The following ERC1 variants were observed in gnomAD, a reference collection of about 807,000 sequenced individuals.
ERC1 encodes the protein RAB6 interacting protein 2.
In ERC1, 56 loss-of-function variants were observed where a neutral mutation model predicts 132.0. That is an observed-to-expected ratio of 0.42 (90% CI 0.34 to 0.53). The LOEUF is 0.53. Among genes scored for constraint, ERC1 ranks in the 20% least tolerant of loss-of-function variants. ERC1 has a pLI of 0.03. For synonymous variants in ERC1, 478 were observed against 476.1 expected, an observed-to-expected ratio of 1.00 and a Z score of -0.05; for missense variants, 1,202 against 1,349.9, an observed-to-expected ratio of 0.89 and a Z score of 1.72.
rs553467541 is a variant in ERC1, at chr12:1,342,858, C to T, written c.2781-28975C>T. ...ACTAATTTAAATTGCTATTCTATAG[C>T]AAGGAAGTGATGTGATCCAATCCAT... is the stretch of plus-strand genomic sequence containing the variant. On this transcript the variant is annotated intron_variant, in intron 15 of 18. Transcript: ENST00000360905. Among the ~76,000 whole-genome samples, 17 of 152,286 alleles carry T rather than the reference C, an allele frequency of 1.1e-4. 1 individual carries two copies. In the South Asian group the frequency reaches 3.5e-3, roughly 32 times the overall value.
intron 11 of ERC1, among the ~76,000 whole-genome samples, chr12:1,188,537 A>G (rs1955366305): frequency 6.6e-6 from 1 of 152,168 alleles, no homozygotes; most frequent in Non-Finnish European, 1.5e-5. Context: ...CCAAACTTAT[A>G]TGATTTTTGT....
intron 8 of ERC1, among the ~76,000 whole-genome samples, chr12:1,179,174 A>G (rs1370523154): frequency 6.6e-6 from 1 of 152,142 alleles, no homozygotes; most frequent in Non-Finnish European, 1.5e-5. Flanking sequence ...GTTATCTCAT[A>G]GTATGTTGAG....
At chr12:1,169,673 A>G (rs1566135347) in intron 8 of ERC1, among the ~76,000 whole-genome samples, 3 of 152,222 alleles carry the variant, frequency 2.0e-5, no homozygotes, top group African/African-American at 7.2e-5. Context: ...CCTGGCGAAA[A>G]TAAAAATTCA....
chr12:1,439,802 G>A (rs12316178), intron 17 of ERC1, among the ~76,000 whole-genome samples: 1,774 of 152,164 alleles, frequency 0.012, 38 homozygotes, highest in African/African-American at 0.041. Context: ...TTTCTACTTG[G>A]CAAATGTCCC....
At chr12:1,198,000 A>ACTGCAG (rs1956502842) in intron 12 of ERC1, among the ~76,000 whole-genome samples, 1 of 151,506 alleles carries the variant, frequency 6.6e-6, no homozygotes, top group Admixed American at 6.6e-5. Flanking sequence ...ATCACGGCTC[A>ACTGCAG]CTGCAGCCTT....
At chr12:1,387,760 C>A (rs1436542306) in intron 16 of ERC1, among the ~76,000 whole-genome samples, 1 of 152,174 alleles carries the variant, frequency 6.6e-6, no homozygotes, top group East Asian at 1.9e-4. Flanking sequence ...GGACTTGGGG[C>A]CGCTAGAACT....
At chr12:1,459,464 GTGAATGAATGAA>G (rs111639776) in intron 18 of ERC1, among the ~76,000 whole-genome samples, 1 of 151,992 alleles carries the variant, frequency 6.6e-6, no homozygotes, top group African/African-American at 2.4e-5. Context: ...GTATAAAGAA[GTGAATGAATGAA>G]TGAATGAATG....
At chr12:997,954 T>C (rs181878273) in intron 1 of ERC1, among the ~76,000 whole-genome samples, 53 of 152,346 alleles carry the variant, frequency 3.5e-4, no homozygotes, top group Admixed American at 1.4e-3. Context: ...TGAAGTTCCA[T>C]GAGAGTGTAT....
intron 12 of ERC1, among the ~76,000 whole-genome samples, chr12:1,199,569 G>A (rs1408345877): frequency 1.3e-5 from 2 of 151,928 alleles, no homozygotes; most frequent in Non-Finnish European, 2.9e-5. Flanking sequence ...TCAGGAGTTC[G>A]AGACCAGCCT....
chr12:1,180,477 G>T, intron 8 of ERC1, 63 bp from the exon 9 acceptor site: 1 of 1,475,242 alleles, frequency 6.8e-7, no homozygotes, highest in South Asian at 1.2e-5. Flanking sequence ...AAATGATTTT[G>T]ATTGTGCTAT....
intron 7 of ERC1, among the ~76,000 whole-genome samples, chr12:1,139,597 A>G (rs1218462004): frequency 2.6e-5 from 4 of 152,186 alleles, no homozygotes; most frequent in Non-Finnish European, 5.9e-5. Context: ...TTCTTCGACG[A>G]CAAGGGGGGA....
At chr12:1,169,222 C>G (rs918313869) in intron 8 of ERC1, among the ~76,000 whole-genome samples, 1 of 152,182 alleles carries the variant, frequency 6.6e-6, no homozygotes, top group African/African-American at 2.4e-5. Context: ...CAACCTAGGT[C>G]TCTCCTGATT....
At chr12:1,263,193 A>G (rs559774544) in intron 14 of ERC1, 28 bp downstream of exon 14, 6 of 1,610,814 alleles carry the variant, frequency 3.7e-6, no homozygotes, top group Admixed American at 3.3e-5. Flanking sequence ...GTTCCAAGCA[A>G]TGCTGCTGGT....
chr12:1,337,221 C>T (rs12422634), intron 15 of ERC1, among the ~76,000 whole-genome samples: 9,554 of 152,018 alleles, frequency 0.063, 378 homozygotes, highest in East Asian at 0.13. Flanking sequence ...TTCCTGAATC[C>T]GGGTGCTCCT....
chr12:1,402,592 A>G (rs1420604839), intron 16 of ERC1, among the ~76,000 whole-genome samples: 1 of 146,742 alleles, frequency 6.8e-6, no homozygotes, highest in Non-Finnish European at 1.5e-5. Flanking sequence ...AGAAATAGAA[A>G]AAGAATATCT....
chr12:1,328,985 TA>T (rs113967541), intron 15 of ERC1, among the ~76,000 whole-genome samples: 1,781 of 86,706 alleles, frequency 0.021, 106 homozygotes, highest in African/African-American at 0.05. Context: ...TAAAAGTTAC[TA>T]AAAAAAAAAA....
chr12:1,082,335 A>G (rs1330358251), intron 2 of ERC1, among the ~76,000 whole-genome samples: 1 of 151,162 alleles, frequency 6.6e-6, no homozygotes. Flanking sequence ...CAATTTTTGT[A>G]TTTTTAGTAG....
chr12:1,119,719 T>A (rs1328265081), intron 7 of ERC1, among the ~76,000 whole-genome samples: 4 of 152,066 alleles, frequency 2.6e-5, no homozygotes, highest in Non-Finnish European at 5.9e-5. Flanking sequence ...CCTGGCTAAT[T>A]CTGTATTTTT....
chr12:1,301,363 C>T (rs1213283729), intron 15 of ERC1, among the ~76,000 whole-genome samples: 1 of 152,134 alleles, frequency 6.6e-6, no homozygotes, highest in East Asian at 1.9e-4. Context: ...GACACATGTA[C>T]ACATATGTTC....
Sources: gnomAD v4.1 joint callset for allele counts (sites outside exome capture counted in the v4.1 genomes callset) on GRCh38, gnomAD v4.1.1 for gene constraint, MANE v1.5 for transcripts, NCBI Gene and HGNC (gene_info 2026-07-23, HGNC 2026-07-21) for gene names.